The following TNFAIP8 variants were observed in gnomAD, a reference collection of about 807,000 sequenced individuals.
TNFAIP8 encodes TNF alpha induced protein 8, also known as tumor necrosis factor alpha-induced protein 8.
Under a neutral mutation model 13.3 loss-of-function variants are expected in TNFAIP8, and 7 were observed. The ratio of observed to expected loss-of-function variants is 0.52; its 90% CI spans 0.30 to 0.99. The LOEUF (loss-of-function observed/expected upper bound fraction) is 0.99, where lower values mean the gene tolerates loss of function less well. Ranked by LOEUF, TNFAIP8 falls within the 50% of genes least tolerant of loss-of-function variation. The pLI is 0.07. For missense variants in TNFAIP8, 258 were observed against 236.9 expected (o/e 1.09, Z -0.58); for synonymous variants, 94 against 87.6 (o/e 1.07, Z -0.41).
chr5:119,294,321 T>A (rs1749095060), intron 1 of TNFAIP8, among the ~76,000 whole-genome samples: 1 of 151,960 alleles, frequency 6.6e-6, no homozygotes, highest in Non-Finnish European at 1.5e-5. Context: ...CTTGCCATAG[T>A]TTACTGAGAA....
chr5:119,391,084 T>A (rs1752874905), intron 1 of TNFAIP8, among the ~76,000 whole-genome samples: 2 of 151,560 alleles, frequency 1.3e-5, no homozygotes, highest in Admixed American at 1.3e-4. Flanking sequence ...TCTCCCTACC[T>A]GGGCCTGCCA....
intron 1 of TNFAIP8, among the ~76,000 whole-genome samples, chr5:119,291,071 C>T (rs1398375493): frequency 6.6e-6 from 1 of 152,088 alleles, no homozygotes; most frequent in East Asian, 1.9e-4. Flanking sequence ...GTTTTGGTGC[C>T]CTTCTCGTTT....
intron 1 of TNFAIP8, among the ~76,000 whole-genome samples, chr5:119,343,883 A>G (rs899893582): frequency 6.6e-6 from 1 of 152,182 alleles, no homozygotes; most frequent in Non-Finnish European, 1.5e-5. Context: ...GGGTGTCATG[A>G]TTCATCATAA....
At chr5:119,363,499 C>G (rs1014448246) in intron 1 of TNFAIP8, among the ~76,000 whole-genome samples, 2 of 152,210 alleles carry the variant, frequency 1.3e-5, no homozygotes, top group South Asian at 2.1e-4. Flanking sequence ...CACCTCCAAC[C>G]AGCATTTGGA....
At chr5:119,388,918 A>G (rs1158924475) in intron 1 of TNFAIP8, among the ~76,000 whole-genome samples, 1 of 151,848 alleles carries the variant, frequency 6.6e-6, no homozygotes, top group East Asian at 1.9e-4. Context: ...TGCTGGGATT[A>G]CAGGTGTGAG....
At chr5:119,302,098 C>T (rs1238015100) in intron 1 of TNFAIP8, among the ~76,000 whole-genome samples, 1 of 152,194 alleles carries the variant, frequency 6.6e-6, no homozygotes, top group African/African-American at 2.4e-5. Flanking sequence ...GTTGGTTATT[C>T]ACTCACCAGA....
chr5:119,285,700 A>C (rs968347869), intron 1 of TNFAIP8, among the ~76,000 whole-genome samples: 2 of 152,244 alleles, frequency 1.3e-5, no homozygotes, highest in Admixed American at 1.3e-4. Flanking sequence ...AAGTGACCAC[A>C]AGTGAATTAA....
chr5:119,377,129 C>T (rs1471200460), intron 1 of TNFAIP8, among the ~76,000 whole-genome samples: 2 of 152,144 alleles, frequency 1.3e-5, no homozygotes, highest in East Asian at 3.8e-4. Flanking sequence ...TGAGGCTGGG[C>T]CTGGTGGCTC....
chr5:119,305,456 G>A (rs1324414832), intron 1 of TNFAIP8, among the ~76,000 whole-genome samples: 1 of 152,312 alleles, frequency 6.6e-6, no homozygotes, highest in Non-Finnish European at 1.5e-5. Flanking sequence ...GGGCCTGGGT[G>A]TGGTGGTGTA....
At position 119,357,007 on chromosome 5, in the gene TNFAIP8, G is replaced by A. The variant is rs115978160; in HGVS notation, c.31+886G>A. Reference sequence around the variant, plus strand: ...TTTTCATGTAGTCTCTTGGAAAGCTGGTTAATTTCAAGTCAATCACAGCAG... The same window carrying A: ...TTTTCATGTAGTCTCTTGGAAAGCTAGTTAATTTCAAGTCAATCACAGCAG... On this transcript the variant is annotated intron_variant, in intron 1 of 1. Coordinates refer to ENST00000504771, the MANE Select transcript of TNFAIP8 (RefSeq NM_014350.4). Among the ~76,000 whole-genome samples the A allele has an allele frequency of 4.8e-3, 731 of 152,296 alleles. 5 individuals carry two copies. Among genetic ancestry groups the A allele is most frequent in the Middle Eastern group, 0.01 (3 of 294 alleles).
chr5:119,387,866 G>A (rs1752739342), intron 1 of TNFAIP8, among the ~76,000 whole-genome samples: 1 of 152,098 alleles, frequency 6.6e-6, no homozygotes, highest in African/African-American at 2.4e-5. Flanking sequence ...TAATGTGGTG[G>A]TAATGCTTTG....
At chr5:119,375,330 G>A (rs2112824055) in intron 1 of TNFAIP8, among the ~76,000 whole-genome samples, 1 of 152,324 alleles carries the variant, frequency 6.6e-6, no homozygotes, top group Admixed American at 6.5e-5. Flanking sequence ...GAAATGGTGA[G>A]ATGTGGAGTG....
intron 1 of TNFAIP8, among the ~76,000 whole-genome samples, chr5:119,345,505 T>G (rs1174870109): frequency 2.0e-5 from 3 of 152,202 alleles, no homozygotes; most frequent in Non-Finnish European, 4.4e-5. Context: ...ACACATACAA[T>G]GGAATATCAC....
chr5:119,324,270 A>G (rs12332130), intron 1 of TNFAIP8, among the ~76,000 whole-genome samples: 1 of 90,728 alleles, frequency 1.1e-5, no homozygotes, highest in East Asian at 3.4e-4. Flanking sequence ...GCAAGACGCC[A>G]TCTCAAAAAA....
chr5:119,301,362 C>T (rs372836090), intron 1 of TNFAIP8, among the ~76,000 whole-genome samples: 26 of 152,208 alleles, frequency 1.7e-4, no homozygotes, highest in East Asian at 7.7e-4. Flanking sequence ...TTCCCTTGTC[C>T]GCCTTCTTTA....
intron 1 of TNFAIP8, among the ~76,000 whole-genome samples, chr5:119,330,514 G>A (rs1227716249): frequency 2.0e-5 from 3 of 152,186 alleles, no homozygotes; most frequent in African/African-American, 7.2e-5. Context: ...TGTTCTGGGA[G>A]GGTAGGGGTT....
chr5:119,386,780 G>GTCC (rs1285941961), intron 1 of TNFAIP8, among the ~76,000 whole-genome samples: 4 of 152,324 alleles, frequency 2.6e-5, no homozygotes, highest in Admixed American at 1.3e-4. Context: ...CCAAGACTAT[G>GTCC]TTCTGTGTGA....
rs1752958116 is a variant in TNFAIP8 at position 119,393,016 on chromosome 5, A to G, written c.232A>G (p.Thr78Ala). Residue 78 changes from threonine to alanine, a missense_variant, in exon 2 of 2, where the codon ACA (threonine) becomes GCA (alanine). Physicochemically the swap from Thr to Ala is moderately conservative, Grantham distance 58 (BLOSUM62 0). Coordinates refer to ENST00000504771, the MANE Select transcript of TNFAIP8 (RefSeq NM_014350.4). ...GAAGATCATCAAGAACCTCATCAAG[A>G]CAGTCATCAAGCTGGCCATTCTTTA... is the stretch of plus-strand genomic sequence containing the variant. ...AEKIIKNLIK[T>A]VIKLAILYRN... 1.2e-6 allele frequency: 2 copies of G among 1,613,326 alleles called. No homozygotes were observed. Among genetic ancestry groups the G allele is most frequent in the Non-Finnish European group, 1.7e-6 (2 of 1,179,660 alleles).
intron 1 of TNFAIP8, among the ~76,000 whole-genome samples, chr5:119,377,074 T>C (rs1189878720): frequency 2.0e-5 from 3 of 152,178 alleles, no homozygotes; most frequent in African/African-American, 4.8e-5. Flanking sequence ...GTAGGCACTT[T>C]GCCTGGCACA....
Sources: gnomAD v4.1 joint callset for allele counts (sites outside exome capture counted in the v4.1 genomes callset) on GRCh38, gnomAD v4.1.1 for gene constraint, MANE v1.5 for transcripts, NCBI Gene and HGNC (gene_info 2026-07-23, HGNC 2026-07-21) for gene names.